BCKDHA: variants seen among roughly 807,000 people sequenced by gnomAD.
The protein encoded by BCKDHA is branched chain keto acid dehydrogenase E1 subunit alpha.
BCKDHA carries 43 observed loss-of-function variants against 52.2 expected under a neutral mutation model. The observed-to-expected ratio is 0.82, with a 90% CI of 0.64 to 1.06. The LOEUF is 1.06. BCKDHA is among the 50% of genes least tolerant of loss of function. The pLI, the probability that BCKDHA is intolerant of heterozygous loss-of-function variation, is 0.00. For synonymous variants in BCKDHA, 234 were observed against 247.9 expected (o/e 0.94, Z 0.53); for missense variants, 527 against 621.3 (o/e 0.85, Z 1.61).
At chr19:41,405,739 C>T (rs1331007328) in intron 1 of BCKDHA, among the ~76,000 whole-genome samples, 1 of 152,070 alleles carries the variant, frequency 6.6e-6, no homozygotes, top group Non-Finnish European at 1.5e-5. Flanking sequence ...GAGTTTAAGT[C>T]ACATAATCAG....
intron 1 of BCKDHA, among the ~76,000 whole-genome samples, chr19:41,407,276 A>G (rs1294231323): frequency 6.6e-6 from 1 of 152,110 alleles, no homozygotes; most frequent in African/African-American, 2.4e-5. Context: ...AAATTCAGAG[A>G]GGTGAAGTGT....
rs1315050585 is a variant in BCKDHA, at chr19:41,424,423, C to A, written c.1168-15C>A. ...GGAGGCCGGCTAGCCTGCCCACTGCCCCATGTCCCCACAGGTGATGGAGGC... is the reference window on the plus strand; with the variant it reads ...GGAGGCCGGCTAGCCTGCCCACTGCACCATGTCCCCACAGGTGATGGAGGC... On this transcript the variant is annotated splice_polypyrimidine_tract_variant and intron_variant, in intron 8 of 8. Transcript: ENST00000269980. 2 of 1,613,742 alleles carry A rather than the reference C, an allele frequency of 1.2e-6. No individual in the cohort carries two copies. Among genetic ancestry groups the A allele is most frequent in the South Asian group, 1.1e-5 (1 of 91,088 alleles).
In BCKDHA at chr19:41,410,750, T is replaced by C. The variant is rs1599953018; in HGVS notation, c.222T>C (p.Ser74=). The C allele has an allele frequency of 6.2e-7, 1 of 1,614,158 alleles. No individual in the cohort carries two copies. The change falls in exon 2 of 9, where the codon TCT becomes TCC. Residue 74 remains serine, a synonymous_variant. Coordinates refer to ENST00000269980, the MANE Select transcript of BCKDHA (RefSeq NM_000709.4). The part of the protein sequence containing the change: ...KLEFIQPNVI[S]GIPIYRVMDR... Reference sequence around the variant, plus strand: ...AATTCATCCAGCCCAACGTCATCTCTGGAATCCCCATCTACCGCGTCATGG... The same window carrying C: ...AATTCATCCAGCCCAACGTCATCTCCGGAATCCCCATCTACCGCGTCATGG...
intron 1 of BCKDHA, among the ~76,000 whole-genome samples, chr19:41,409,018 G>A (rs2039223496): frequency 6.6e-6 from 1 of 152,052 alleles, no homozygotes; most frequent in African/African-American, 2.4e-5. Context: ...GGTGCAATCT[G>A]GGCTTATTGC....
In BCKDHA at chr19:41,422,174, G is replaced by C; in HGVS notation, c.657G>C (p.Ala219=). 1 of 1,613,544 alleles carries C rather than the reference G, an allele frequency of 6.2e-7. No individual in the cohort carries two copies. Among genetic ancestry groups the C allele is most frequent in the Non-Finnish European group, 8.5e-7 (1 of 1,179,814 alleles). ...TCTCATCCCCTGCAGCGGTGGGGGC[G>C]GCGTACGCAGCCAAGCGGGCCAATG... The part of the protein sequence containing the change: ...LATQIPQAVG[A]AYAAKRANAN... The change falls in exon 6 of 9, where the codon GCG becomes GCC. Residue 219 remains alanine (A), a synonymous_variant. Coordinates refer to ENST00000269980, the MANE Select transcript of BCKDHA (RefSeq NM_000709.4).
intron 1 of BCKDHA, among the ~76,000 whole-genome samples, chr19:41,409,788 C>T: frequency 6.6e-6 from 1 of 151,122 alleles, no homozygotes; most frequent in Non-Finnish European, 1.5e-5. Flanking sequence ...GCCATATCAC[C>T]CTCTAAGGGA....
At chr19:41,410,881 T>C in intron 2 of BCKDHA, 42 bp from the exon 3 acceptor site, 1 of 1,613,780 alleles carries the variant, frequency 6.2e-7, no homozygotes, top group Non-Finnish European at 8.5e-7. Flanking sequence ...GTCTCCTCTC[T>C]GGTCCCAACT....
chr19:41,410,966 T>A lies in BCKDHA; in HGVS notation c.332T>A (p.Leu111Gln). 6.2e-7 allele frequency: 1 copy of A among 1,614,142 alleles called. No homozygotes were observed. Among genetic ancestry groups the A allele is most frequent in the East Asian group, 2.2e-5 (1 of 44,884 alleles). Residue 111 changes from leucine to glutamine, a missense_variant, in exon 3 of 9, where the codon CTG becomes CAG. By Grantham distance (113) the Leu-to-Gln change is moderately radical. Coordinates refer to ENST00000269980, the MANE Select transcript of BCKDHA (RefSeq NM_000709.4). ...CTGAAGCTCTACAAGAGCATGACAC[T>A]GCTTAACACCATGGACCGCATCCTC... Reference protein sequence around the residue: ...KVLKLYKSMTLLNTMDRILYE... With the variant: ...KVLKLYKSMTQLNTMDRILYE...
At chr19:41,415,637 GT>G (rs1383143856) in intron 4 of BCKDHA, 1 of 152,026 alleles carries the variant, frequency 6.6e-6, no homozygotes, top group Non-Finnish European at 1.5e-5. Flanking sequence ...CCAGAGTGCT[GT>G]TCTTTTTTTC....
chr19:41,397,878 G>C lies in BCKDHA; in HGVS notation c.51G>C (p.Leu17Phe), dbSNP rs146823708. ...AARVWRLNRG[L>F]SQAALLLLRQ... ...GGGTCTGGCGGCTAAACCGTGGTTT[G>C]AGCCAGGCTGCCCTCCTGCTGCTGC... The change falls in exon 1 of 9, where the codon TTG becomes TTC. Residue 17 changes from leucine to phenylalanine, a missense_variant. Coordinates refer to ENST00000269980, the MANE Select transcript of BCKDHA (RefSeq NM_000709.4). 8 of 1,614,170 alleles carry C rather than the reference G, an allele frequency of 5.0e-6. No individual in the cohort carries two copies. Among genetic ancestry groups the C allele is most frequent in the South Asian group, 1.1e-5 (1 of 91,084 alleles).
chr19:41,417,571 TA>T (rs1426254942), intron 4 of BCKDHA, among the ~76,000 whole-genome samples: 1 of 152,184 alleles, frequency 6.6e-6, no homozygotes, highest in Non-Finnish European at 1.5e-5. Context: ...AAAATACCAG[TA>T]AACCTGTATT....
rs561186353 is a variant in BCKDHA, at chr19:41,410,835, C to T, written c.288+19C>T. 4 of 1,614,068 alleles carry T rather than the reference C, an allele frequency of 2.5e-6. No homozygotes were observed. In the African/African-American group the frequency reaches 4.0e-5, roughly 16 times the overall value. The stretch of plus-strand genomic sequence containing the variant: ...CCCCCACGTGAGAGGCGGCCTCCCC[C>T]ACTTCCCGTGCCCCCCACGCCCAGG... On this transcript the variant is annotated intron_variant, in intron 2 of 8. Transcript: ENST00000269980.
At chr19:41,405,296 C>CT (rs1003818300) in intron 1 of BCKDHA, among the ~76,000 whole-genome samples, 55 of 148,620 alleles carry the variant, frequency 3.7e-4, no homozygotes, top group Admixed American at 5.4e-4. Context: ...AAAATTTTTT[C>CT]TTTTTTTTTT....
At position 41,424,594 on chromosome 19, in the gene BCKDHA, C is replaced by A; in HGVS notation, c.1324C>A (p.His442Asn). ...CTACGGGGAGCACTACCCACTGGAT[C>A]ACTTCGATAAGTGAGACCTGCTCAG... is the stretch of plus-strand genomic sequence containing the variant. Reference protein sequence around the residue: ...QTYGEHYPLDHFDK With the variant: ...QTYGEHYPLDNFDK The change falls in exon 9 of 9, where the codon CAC becomes AAC. Residue 442 changes from histidine to asparagine, a missense_variant. His to Asn is a moderately conservative substitution (Grantham distance 68). Transcript: ENST00000269980. 6.2e-7 allele frequency: 1 copy of A among 1,607,094 alleles called. No individual in the cohort carries two copies. Among genetic ancestry groups the A allele is most frequent in the Non-Finnish European group, 8.5e-7 (1 of 1,175,230 alleles).
At position 41,419,289 on chromosome 19, in the gene BCKDHA, C is replaced by A. The variant is rs10404506; in HGVS notation, c.639C>A (p.Ile213=). 1.9e-6 allele frequency: 3 copies of A among 1,613,130 alleles called. No homozygotes were observed. The highest frequency in any genetic ancestry group is 2.5e-6 in the Non-Finnish European group (3 of 1,179,522). ...TCTCCTCTCCACTGGCCACGCAGAT[C>A]CCTCAGGGTGAGGATGCATGCCCTG... ...VTISSPLATQ[I]PQAVGAAYAA... The change falls in exon 5 of 9, where the codon ATC becomes ATA. Residue 213 remains isoleucine (I), a synonymous_variant. Coordinates refer to ENST00000269980, the MANE Select transcript of BCKDHA (RefSeq NM_000709.4).
chr19:41,404,146 A>G (rs1220093134), intron 1 of BCKDHA, among the ~76,000 whole-genome samples: 1 of 151,356 alleles, frequency 6.6e-6, no homozygotes, highest in South Asian at 2.1e-4. Context: ...TGCCTGGCTA[A>G]TTTTTGTGTC....
chr19:41,414,678 A>AAAGGAAGGAAGGGTCAAAGAC (rs2039290696), intron 4 of BCKDHA, among the ~76,000 whole-genome samples: 2 of 152,088 alleles, frequency 1.3e-5, no homozygotes, highest in African/African-American at 4.8e-5. Context: ...CAGATGAGTG[A>AAAGGAAGGAAGGGTCAAAGAC]AAGGAAGGAA....
At chr19:41,400,424 G>C (rs1476012876) in intron 1 of BCKDHA, 1 of 152,000 alleles carries the variant, frequency 6.6e-6, no homozygotes, top group Non-Finnish European at 1.5e-5. Context: ...ATTTTTAGTA[G>C]AGATGGGGTT....
intron 1 of BCKDHA, among the ~76,000 whole-genome samples, chr19:41,409,657 G>C (rs2039230252): frequency 6.6e-6 from 1 of 152,082 alleles, no homozygotes; most frequent in Admixed American, 6.6e-5. Flanking sequence ...TTGTTAGGTG[G>C]CTTACAGATG....
Sources: allele counts gnomAD v4.1 joint callset (sites outside exome capture counted in the v4.1 genomes callset), GRCh38; gene constraint gnomAD v4.1.1; transcripts MANE v1.5; gene names NCBI Gene and HGNC (gene_info 2026-07-23, HGNC 2026-07-21).